IQSEC1: variants seen among roughly 807,000 people sequenced by gnomAD.
The protein encoded by IQSEC1 is IQ motif and Sec7 domain ArfGEF 1.
IQSEC1 carries 31 observed loss-of-function variants against 91.0 expected under a neutral mutation model. The observed-to-expected ratio is 0.34, with a 90% CI of 0.26 to 0.46. The LOEUF (loss-of-function observed/expected upper bound fraction) is 0.46, where lower values mean the gene tolerates loss of function less well. Among genes scored for constraint, IQSEC1 ranks in the 20% least tolerant of loss-of-function variants. IQSEC1 has a pLI of 1.00. For missense variants in IQSEC1, 1,388 were observed against 1,575.6 expected, an observed-to-expected ratio of 0.88 and a Z score of 2.02; for synonymous variants, 699 against 662.6, an observed-to-expected ratio of 1.05 and a Z score of -0.84.
chr3:13,109,995 G>A (rs542821388), intron 2 of IQSEC1, among the ~76,000 whole-genome samples: 2 of 148,654 alleles, frequency 1.3e-5, no homozygotes, highest in Non-Finnish European at 3.0e-5. Flanking sequence ...CGATTCTCCT[G>A]CCTCAGCCTC....
In IQSEC1 at chr3:13,008,021, G is replaced by C. The variant is rs1001616987; in HGVS notation, c.23+64971C>G. Among the ~76,000 whole-genome samples, 5 of 152,208 alleles carry C rather than the reference G, an allele frequency of 3.3e-5. No homozygotes were observed. The highest frequency in any genetic ancestry group is 5.9e-5 in the Non-Finnish European group (4 of 68,030). ...AGCCTGCACTCCTCTAGGAAGCCAG[G>C]TGAGAGAGCAGAGGAACTACCCTTC... On this transcript the variant is annotated intron_variant, in intron 1 of 13. Transcript: ENST00000613206. The surrounding 1 kb of genome is among the most constrained non-coding windows in gnomAD (Gnocchi z 4.1).
At chr3:13,136,177 G>A (rs958464122) in intron 2 of IQSEC1, among the ~76,000 whole-genome samples, 1 of 152,236 alleles carries the variant, frequency 6.6e-6, no homozygotes, top group Non-Finnish European at 1.5e-5. Context: ...AACAACGTGA[G>A]GGCCTTGGGA....
At chr3:13,039,051 G>A (rs1042922869) in intron 1 of IQSEC1, among the ~76,000 whole-genome samples, 1 of 152,204 alleles carries the variant, frequency 6.6e-6, no homozygotes. Flanking sequence ...TTGGAAGCTG[G>A]GCGATGGGTA....
chr3:13,253,503 G>A (rs1019865340), intron 1 of IQSEC1, among the ~76,000 whole-genome samples: 2 of 152,142 alleles, frequency 1.3e-5, no homozygotes, highest in African/African-American at 2.4e-5. Context: ...ATGAAGCTTC[G>A]GTAATACTCT....
At chr3:12,991,588 T>C (rs980150832) in intron 1 of IQSEC1, among the ~76,000 whole-genome samples, 7 of 152,172 alleles carry the variant, frequency 4.6e-5, no homozygotes, top group Admixed American at 6.5e-5. Context: ...TCAACTCTCC[T>C]ACCAGAGGCC....
At chr3:13,152,851 T>C (rs986453472) in intron 2 of IQSEC1, among the ~76,000 whole-genome samples, 7 of 152,054 alleles carry the variant, frequency 4.6e-5, no homozygotes, top group Admixed American at 2.6e-4. Context: ...GCCTGGGTGA[T>C]AGAGCAAGAC....
At chr3:12,962,341 A>G (rs1164232367) in intron 1 of IQSEC1, among the ~76,000 whole-genome samples, 1 of 152,236 alleles carries the variant, frequency 6.6e-6, no homozygotes, top group African/African-American at 2.4e-5. Context: ...CCAGAAATAG[A>G]AAAGCAAACA....
intron 2 of IQSEC1, among the ~76,000 whole-genome samples, chr3:13,137,895 A>G (rs1311168593): frequency 2.6e-5 from 4 of 152,230 alleles, no homozygotes; most frequent in African/African-American, 9.6e-5. Context: ...ATATCTGAAG[A>G]TATCTGCAAA....
chr3:12,923,882 T>C (rs1696864159), intron 4 of IQSEC1, among the ~76,000 whole-genome samples: 1 of 152,252 alleles, frequency 6.6e-6, no homozygotes, highest in African/African-American at 2.4e-5. Context: ...GTGCTCTTCC[T>C]GGCCCACCCT....
At chr3:13,020,805 A>T (rs1559724346) in intron 1 of IQSEC1, among the ~76,000 whole-genome samples, 1 of 152,186 alleles carries the variant, frequency 6.6e-6, no homozygotes, top group Non-Finnish European at 1.5e-5. Flanking sequence ...AGTAGCTGGG[A>T]CTAGAGACAT....
chr3:12,976,567 TG>T (rs35980420), intron 1 of IQSEC1, among the ~76,000 whole-genome samples: 9,161 of 152,222 alleles, frequency 0.06, 389 homozygotes, highest in Non-Finnish European at 0.086. Context: ...CGACAATACA[TG>T]TATGTTCTGT....
At chr3:13,219,988 C>A (rs1694627540) in intron 1 of IQSEC1, among the ~76,000 whole-genome samples, 1 of 152,270 alleles carries the variant, frequency 6.6e-6, no homozygotes, top group Admixed American at 6.5e-5. Flanking sequence ...TGAAACGTGG[C>A]AAAAGTCACC....
intron 1 of IQSEC1, among the ~76,000 whole-genome samples, chr3:13,019,397 C>T (rs780967154): frequency 4.6e-5 from 7 of 152,342 alleles, no homozygotes; most frequent in Non-Finnish European, 7.3e-5. Flanking sequence ...CAGGCTCACT[C>T]GGAGGGGAAT....
At chr3:13,233,187 T>C (rs1338102770) in intron 1 of IQSEC1, among the ~76,000 whole-genome samples, 1 of 152,206 alleles carries the variant, frequency 6.6e-6, no homozygotes, top group African/African-American at 2.4e-5. Flanking sequence ...TCATTAGAAA[T>C]GCAGATTCCA....
intron 1 of IQSEC1, among the ~76,000 whole-genome samples, chr3:13,272,580 G>C (rs1695607554): frequency 6.6e-6 from 1 of 152,210 alleles, no homozygotes. Context: ...CTAGGGGTGA[G>C]GGTCAAAGGG....
At chr3:13,031,459 G>A (rs544639063) in intron 1 of IQSEC1, among the ~76,000 whole-genome samples, 38 of 152,332 alleles carry the variant, frequency 2.5e-4, no homozygotes, top group African/African-American at 7.9e-4. Flanking sequence ...TGAGGAAACC[G>A]AGGTCCACAG....
Position 12,972,181 on chromosome 3 carries a change from T to A in IQSEC1, c.24-30316A>T, listed in dbSNP as rs947563321. The stretch of plus-strand genomic sequence containing the variant: ...GAAAAAGTAGCTAGGCATGATGGCA[T>A]GTGCCTGTAGTCGCAGCTACTCAGG... On this transcript the variant is annotated intron_variant, in intron 1 of 13. Transcript: ENST00000613206. Among the ~76,000 whole-genome samples the A allele has an allele frequency of 4.0e-5, 6 of 150,256 alleles. No individual in the cohort carries two copies. The South Asian group carries it at 1.3e-3, about 32-fold the overall frequency.
chr3:13,212,278 T>A (rs116826769), intron 1 of IQSEC1, among the ~76,000 whole-genome samples: 19 of 152,364 alleles, frequency 1.2e-4, no homozygotes, highest in Non-Finnish European at 1.9e-4. Context: ...TGGAATTGTA[T>A]AATATGTGGA....
chr3:12,965,486 A>G (rs1421615548), intron 1 of IQSEC1, among the ~76,000 whole-genome samples: 1 of 152,180 alleles, frequency 6.6e-6, no homozygotes, highest in Non-Finnish European at 1.5e-5. Flanking sequence ...GGAACCACAT[A>G]CCAGGTGCTC....
Sources: gnomAD v4.1 joint callset for allele counts (sites outside exome capture counted in the v4.1 genomes callset) on GRCh38, gnomAD v4.1.1 for gene constraint, Gnocchi (gnomAD v3.1) non-coding constraint, MANE v1.5 for transcripts, NCBI Gene and HGNC (gene_info 2026-07-23, HGNC 2026-07-21) for gene names.